Variants in MAPK10 observed in about 807,000 individuals in gnomAD.
MAPK10 encodes JNK3 alpha protein kinase.
In MAPK10, 25 loss-of-function variants were observed where a neutral mutation model predicts 59.3. The observed-to-expected ratio is 0.42, with a 90% CI of 0.31 to 0.59. The LOEUF (loss-of-function observed/expected upper bound fraction) is 0.59, where lower values mean the gene tolerates loss of function less well. Ranked by LOEUF, MAPK10 falls within the 20% of genes least tolerant of loss-of-function variation. MAPK10 has a pLI of 0.15. For missense variants in MAPK10, 351 were observed against 568.9 expected (o/e 0.62, Z 3.90); for synonymous variants, 190 against 200.5 (o/e 0.95, Z 0.44).
At chr4:86,131,354 A>G (rs2060969997) in intron 4 of MAPK10, among the ~76,000 whole-genome samples, 1 of 152,192 alleles carries the variant, frequency 6.6e-6, no homozygotes, top group Non-Finnish European at 1.5e-5. Flanking sequence ...ATAAACATGA[A>G]GAATTATTAC....
At chr4:86,510,034 C>G (rs1420582139) in intron 1 of MAPK10, among the ~76,000 whole-genome samples, 1 of 152,146 alleles carries the variant, frequency 6.6e-6, no homozygotes, top group Non-Finnish European at 1.5e-5. Context: ...AATAAGCAAT[C>G]ATAAAATATA....
At chr4:86,257,482 G>T (rs553257904) in intron 2 of MAPK10, among the ~76,000 whole-genome samples, 5 of 152,064 alleles carry the variant, frequency 3.3e-5, no homozygotes, top group East Asian at 3.9e-4. Context: ...TCCATTTATC[G>T]CCTCCCTTTT....
chr4:86,289,807 A>G (rs113587754), intron 2 of MAPK10, among the ~76,000 whole-genome samples: 25 of 152,142 alleles, frequency 1.6e-4, no homozygotes, highest in African/African-American at 5.3e-4. Context: ...AATATTTTGA[A>G]GTTAGACCCA....
chr4:86,473,861 A>T (rs1048493533), intron 1 of MAPK10, among the ~76,000 whole-genome samples: 1 of 152,178 alleles, frequency 6.6e-6, no homozygotes, highest in African/African-American at 2.4e-5. Flanking sequence ...TCCAGGCATG[A>T]GAGTCTAGCT....
chr4:86,218,568 C>CAAAAAAA (rs11330422), intron 2 of MAPK10, among the ~76,000 whole-genome samples: 1 of 95,450 alleles, frequency 1.0e-5, no homozygotes, highest in African/African-American at 3.2e-5. Flanking sequence ...AAGACTTAAG[C>CAAAAAAA]AAAAAAAAAA....
intron 1 of MAPK10, among the ~76,000 whole-genome samples, chr4:86,390,023 T>C (rs1741991976): frequency 6.6e-6 from 1 of 152,242 alleles, no homozygotes; most frequent in South Asian, 2.1e-4. Flanking sequence ...CAACTAAATA[T>C]TGCCTTTTCC....
At chr4:86,133,432 T>C (rs1395758608) in intron 4 of MAPK10, among the ~76,000 whole-genome samples, 1 of 152,238 alleles carries the variant, frequency 6.6e-6, no homozygotes, top group African/African-American at 2.4e-5. Context: ...ATTTGTGATT[T>C]TTCTTAAAGA....
chr4:86,270,309 C>G (rs185749663), intron 2 of MAPK10, among the ~76,000 whole-genome samples: 6 of 151,508 alleles, frequency 4.0e-5, no homozygotes, highest in Admixed American at 4.0e-4. Flanking sequence ...AGGTAATTTT[C>G]GTTTACTCTT....
chr4:86,146,017 C>T (rs1425511241), intron 4 of MAPK10, among the ~76,000 whole-genome samples: 1 of 152,142 alleles, frequency 6.6e-6, no homozygotes, highest in Admixed American at 6.5e-5. Context: ...TTGAAGAGGA[C>T]AGTACCAAAG....
intron 2 of MAPK10, among the ~76,000 whole-genome samples, chr4:86,311,571 G>T (rs1183482134): frequency 6.6e-6 from 1 of 152,028 alleles, no homozygotes; most frequent in Non-Finnish European, 1.5e-5. Context: ...CTCTCCCTTT[G>T]CAGAAATAGT....
chr4:86,366,654 C>T (rs974730080), intron 1 of MAPK10, among the ~76,000 whole-genome samples: 1 of 152,100 alleles, frequency 6.6e-6, no homozygotes, highest in African/African-American at 2.4e-5. Context: ...AATTCAGACT[C>T]TTAAAAAACA....
intron 1 of MAPK10, among the ~76,000 whole-genome samples, chr4:86,526,830 A>C (rs1458359029): frequency 1.3e-5 from 2 of 152,226 alleles, no homozygotes. Context: ...AAAGTCATTC[A>C]GAAGCAAATT....
intron 2 of MAPK10, among the ~76,000 whole-genome samples, chr4:86,246,394 G>A (rs1332300190): frequency 2.0e-5 from 3 of 152,254 alleles, no homozygotes; most frequent in Admixed American, 6.5e-5. Flanking sequence ...TTGCGCCACT[G>A]CACTCCAGCC....
chr4:86,405,559 T>A (rs1204508311), intron 1 of MAPK10, among the ~76,000 whole-genome samples: 1 of 152,230 alleles, frequency 6.6e-6, no homozygotes, highest in African/African-American at 2.4e-5. Context: ...AAAATTGCTC[T>A]CAAATATTCA....
At chr4:86,408,863 C>T (rs1744748131) in intron 1 of MAPK10, among the ~76,000 whole-genome samples, 1 of 152,150 alleles carries the variant, frequency 6.6e-6, no homozygotes, top group African/African-American at 2.4e-5. Flanking sequence ...CCTGTTCACC[C>T]TGATGGTAGT....
At chr4:86,403,981 T>C (rs1233302934) in intron 1 of MAPK10, among the ~76,000 whole-genome samples, 1 of 152,226 alleles carries the variant, frequency 6.6e-6, no homozygotes, top group Non-Finnish European at 1.5e-5. Context: ...TATGTTTGTT[T>C]ACCCTCCCAA....
chr4:86,386,125 T>C lies in MAPK10; in HGVS notation c.-121-31481A>G, dbSNP rs189066430. Among the ~76,000 whole-genome samples the C allele has an allele frequency of 2.6e-5, 4 of 152,320 alleles. No homozygotes were observed. The East Asian group carries it at 5.8e-4, about 22-fold the overall frequency. Reference sequence around the variant, plus strand: ...TGCCTTCTCCCACCTGATTACGAACTCCATTCGGAGGGAAATGGGGGGGAA... The same window carrying C: ...TGCCTTCTCCCACCTGATTACGAACCCCATTCGGAGGGAAATGGGGGGGAA... On this transcript the variant is annotated intron_variant, in intron 1 of 13. Coordinates refer to the MAPK10 transcript ENST00000361569.
chr4:86,593,466 G>T (rs917795188), intron 1 of MAPK10, among the ~76,000 whole-genome samples: 2 of 151,984 alleles, frequency 1.3e-5, no homozygotes, highest in African/African-American at 4.8e-5. Context: ...CAAATATTTC[G>T]GCTTGCAGCA....
intron 1 of MAPK10, among the ~76,000 whole-genome samples, chr4:86,589,229 T>C (rs2149116269): frequency 6.6e-6 from 1 of 152,290 alleles, no homozygotes; most frequent in South Asian, 2.1e-4. Context: ...TGAGATATCA[T>C]TTTACATCTA....
Sources: allele counts gnomAD v4.1 joint callset (sites outside exome capture counted in the v4.1 genomes callset), GRCh38; gene constraint gnomAD v4.1.1; transcripts MANE v1.5; gene names NCBI Gene and HGNC (gene_info 2026-07-23, HGNC 2026-07-21).